Variants in PITPNC1 observed in about 807,000 individuals in gnomAD.
PITPNC1 encodes cytoplasmic phosphatidylinositol transfer protein 1.
In PITPNC1, 18 loss-of-function variants were observed where a neutral mutation model predicts 44.7. The observed-to-expected ratio is 0.40, with a 90% confidence interval of 0.28 to 0.60. PITPNC1 has a LOEUF of 0.60. Among genes scored for constraint, PITPNC1 ranks in the 20% least tolerant of loss-of-function variants. The pLI is 0.39. For synonymous variants in PITPNC1, 141 were observed against 149.6 expected (o/e 0.94, Z 0.42); for missense variants, 290 against 418.4 (o/e 0.69, Z 2.68).
rs1478874379 is a variant in PITPNC1 at position 67,580,935 on chromosome 17, G to A, written c.366+2678G>A. Among the ~76,000 whole-genome samples the A allele has an allele frequency of 2.0e-5, 3 of 152,316 alleles. No homozygotes were observed. The East Asian group carries it at 5.8e-4, about 29-fold the overall frequency. On this transcript the variant is annotated intron_variant, in intron 5 of 8. Transcript: ENST00000581322. Reference sequence around the variant, plus strand: ...GGTGGCACACACACCTGTGGTTGCAGCTACCTGGGAGGCTGCAGTGGGAGA... The same window carrying A: ...GGTGGCACACACACCTGTGGTTGCAACTACCTGGGAGGCTGCAGTGGGAGA...
chr17:67,667,670 T>TAA (rs546338527), intron 6 of PITPNC1, among the ~76,000 whole-genome samples: 56 of 138,024 alleles, frequency 4.1e-4, no homozygotes, highest in Middle Eastern at 3.8e-3. Context: ...TGATTAAACT[T>TAA]AAAAAAAAAA....
intron 1 of PITPNC1, among the ~76,000 whole-genome samples, chr17:67,440,960 G>A (rs1209430424): frequency 6.6e-6 from 1 of 152,092 alleles, no homozygotes; most frequent in East Asian, 1.9e-4. Flanking sequence ...AATTCATAAT[G>A]ATTCACAGAG....
At chr17:67,441,827 C>T (rs2039016645) in intron 1 of PITPNC1, among the ~76,000 whole-genome samples, 1 of 152,146 alleles carries the variant, frequency 6.6e-6, no homozygotes, top group Non-Finnish European at 1.5e-5. Flanking sequence ...GAAGTAGGAA[C>T]TGCACACGCC....
Position 67,489,777 on chromosome 17 carries a change from G to A in PITPNC1, c.49-43025G>A, listed in dbSNP as rs1459041784. On this transcript the variant is annotated intron_variant, in intron 1 of 8. Coordinates refer to ENST00000581322, the MANE Select transcript of PITPNC1 (RefSeq NM_012417.4). ...CTTTTTTAATTTGAGATGGAGTCTC[G>A]CTCTGTCCCAGGCTAGAGTGCAGTG... 3.3e-5 allele frequency among the ~76,000 whole-genome samples: 5 copies of A among 151,940 alleles called. No homozygotes were observed. In the South Asian group the frequency reaches 6.2e-4, roughly 19 times the overall value.
At chr17:67,572,233 G>GTGA (rs1355133390) in intron 4 of PITPNC1, among the ~76,000 whole-genome samples, 1 of 152,002 alleles carries the variant, frequency 6.6e-6, no homozygotes, top group Non-Finnish European at 1.5e-5. Context: ...AGATCCCTCG[G>GTGA]TGATATAGAA....
rs944643815 is a variant in PITPNC1, at chr17:67,547,569, C to T, written c.198-4688C>T. Among the ~76,000 whole-genome samples, 6 of 152,220 alleles carry T rather than the reference C, an allele frequency of 3.9e-5. No individual in the cohort carries two copies. In the East Asian group the frequency reaches 1.2e-3, roughly 29 times the overall value. On this transcript the variant is annotated intron_variant, in intron 2 of 8. Transcript: ENST00000581322. ...CTAGTTAAGACCACCGTAATTCTGACCCCTGTTGAGAAAATGAAATTAGAC... is the reference window on the plus strand; with the variant it reads ...CTAGTTAAGACCACCGTAATTCTGATCCCTGTTGAGAAAATGAAATTAGAC...
chr17:67,553,596 A>G lies in PITPNC1; in HGVS notation c.287-14A>G, dbSNP rs1287625297. Reference sequence around the variant, plus strand: ...TTTCTTTCCTCTCTTCTTCAAATGAACATGTGGAAACAGAATACACAGTAA... The same window carrying G: ...TTTCTTTCCTCTCTTCTTCAAATGAGCATGTGGAAACAGAATACACAGTAA... On this transcript the variant is annotated splice_polypyrimidine_tract_variant and intron_variant, in intron 3 of 8. Coordinates refer to ENST00000581322, the MANE Select transcript of PITPNC1 (RefSeq NM_012417.4). 1 of 1,207,784 alleles carries G rather than the reference A, an allele frequency of 8.3e-7. No individual in the cohort carries two copies. 74.8% of individuals were successfully genotyped at this position (1,207,784 alleles called of 1,614,324 possible).
intron 6 of PITPNC1, among the ~76,000 whole-genome samples, chr17:67,645,528 C>G (rs1254198916): frequency 2.0e-5 from 3 of 151,568 alleles, no homozygotes; most frequent in Non-Finnish European, 4.4e-5. Context: ...TAAGAGAGCT[C>G]AACTTACTGA....
intron 6 of PITPNC1, among the ~76,000 whole-genome samples, chr17:67,668,509 G>A (rs1317263280): frequency 1.3e-5 from 2 of 151,756 alleles, no homozygotes; most frequent in African/African-American, 2.4e-5. Context: ...GATCACTTGA[G>A]GTGAGAAGTT....
At chr17:67,552,561 A>C (rs2040781752) in intron 3 of PITPNC1, among the ~76,000 whole-genome samples, 1 of 151,778 alleles carries the variant, frequency 6.6e-6, no homozygotes, top group African/African-American at 2.4e-5. Flanking sequence ...AAGCCATTCC[A>C]TCTTCGTTCT....
chr17:67,492,988 C>T (rs1276286332), intron 1 of PITPNC1, among the ~76,000 whole-genome samples: 1 of 152,132 alleles, frequency 6.6e-6, no homozygotes, highest in East Asian at 1.9e-4. Flanking sequence ...TATACGTGGG[C>T]GCTTTTGTGA....
rs185969792 is a variant in PITPNC1, at chr17:67,618,983, C to T, written c.367-13160C>T. Among the ~76,000 whole-genome samples, 275 of 151,980 alleles carry T rather than the reference C, an allele frequency of 1.8e-3. 1 individual carries two copies. The highest frequency in any genetic ancestry group is 6.1e-3 in the African/African-American group (253 of 41,460). Reference sequence around the variant, plus strand: ...CTGAGGCCGAAGAATGGCGTGAACCCGGGAGGTGGATCTTGCAGTGAGCCG... The same window carrying T: ...CTGAGGCCGAAGAATGGCGTGAACCTGGGAGGTGGATCTTGCAGTGAGCCG... On this transcript the variant is annotated intron_variant, in intron 5 of 8. Transcript: ENST00000581322.
chr17:67,457,125 G>C (rs2039265594), intron 1 of PITPNC1: 1 of 152,202 alleles, frequency 6.6e-6, no homozygotes, highest in Admixed American at 6.6e-5. Context: ...TCCTTAGGCA[G>C]CCTGGTGGTC....
intron 1 of PITPNC1, among the ~76,000 whole-genome samples, chr17:67,466,623 C>T (rs1289866144): frequency 6.6e-6 from 1 of 152,172 alleles, no homozygotes; most frequent in East Asian, 1.9e-4. Context: ...CCCCTCTTGC[C>T]TTCCGAATTC....
At chr17:67,627,143 C>T (rs571916865) in intron 5 of PITPNC1, among the ~76,000 whole-genome samples, 2 of 152,316 alleles carry the variant, frequency 1.3e-5, no homozygotes, top group East Asian at 1.9e-4. Context: ...ATCCCAGCTA[C>T]TCAGGGGGCT....
intron 6 of PITPNC1, among the ~76,000 whole-genome samples, chr17:67,651,429 C>T (rs1248556454): frequency 6.6e-6 from 1 of 152,016 alleles, no homozygotes; most frequent in Non-Finnish European, 1.5e-5. Flanking sequence ...AGGAGAATTG[C>T]TGGAACTTGG....
intron 1 of PITPNC1, among the ~76,000 whole-genome samples, chr17:67,502,744 CATTGTATTGTATTGT>C (rs71139151): frequency 0.39 from 54,259 of 137,734 alleles, 11,085 homozygotes; most frequent in Non-Finnish European, 0.47. Flanking sequence ...CATTGCATTG[CATTGTATTGTATTGT>C]ATTGTATTGT....
intron 6 of PITPNC1, among the ~76,000 whole-genome samples, chr17:67,636,190 C>T (rs552951132): frequency 1.3e-5 from 2 of 148,892 alleles, no homozygotes; most frequent in Non-Finnish European, 3.0e-5. Context: ...TCCATCTACT[C>T]GTGAGGCTGA....
intron 1 of PITPNC1, among the ~76,000 whole-genome samples, chr17:67,506,613 A>T (rs1057041773): frequency 1.3e-5 from 2 of 152,230 alleles, no homozygotes; most frequent in East Asian, 3.8e-4. Context: ...TATACTAATA[A>T]TAAAACCCCA....
Sources: gnomAD v4.1 joint callset for allele counts (sites outside exome capture counted in the v4.1 genomes callset) on GRCh38, gnomAD v4.1.1 for gene constraint, MANE v1.5 for transcripts, NCBI Gene and HGNC (gene_info 2026-07-23, HGNC 2026-07-21) for gene names.